TAFA1: variants seen among roughly 807,000 people sequenced by gnomAD.
The protein encoded by TAFA1 is TAFA chemokine like family member 1, also known as chemokine-like protein TAFA-1.
A neutral mutation model predicts 18.5 loss-of-function variants in TAFA1; 4 were observed. The ratio of observed to expected loss-of-function variants is 0.22; its 90% CI spans 0.11 to 0.49. The LOEUF (loss-of-function observed/expected upper bound fraction) is 0.49, where lower values mean the gene tolerates loss of function less well. TAFA1 is among the 20% of genes least tolerant of loss of function. The probability of loss-of-function intolerance (pLI) is 0.98; values close to 1 mark genes in which losing one functional copy is unlikely to be tolerated. For synonymous variants in TAFA1, 56 were observed against 55.2 expected, an observed-to-expected ratio of 1.01 and a Z score of -0.06; for missense variants, 147 against 169.0, an observed-to-expected ratio of 0.87 and a Z score of 0.72.
At chr3:68,302,875 T>C (rs375888676) in intron 2 of TAFA1, among the ~76,000 whole-genome samples, 10 of 152,292 alleles carry the variant, frequency 6.6e-5, no homozygotes, top group East Asian at 3.9e-4. Context: ...AAAATAAGGG[T>C]TCTAGAGCCA....
At chr3:68,286,502 C>T (rs1559599854) in intron 2 of TAFA1, among the ~76,000 whole-genome samples, 2 of 151,988 alleles carry the variant, frequency 1.3e-5, no homozygotes, top group Non-Finnish European at 2.9e-5. Context: ...AGCCAAGACC[C>T]TCAACACTCA....
intron 2 of TAFA1, among the ~76,000 whole-genome samples, chr3:68,058,629 T>C (rs1031138318): frequency 6.6e-6 from 1 of 152,186 alleles, no homozygotes; most frequent in Non-Finnish European, 1.5e-5. Context: ...AATAAGTTTC[T>C]AAATTCCAGA....
Position 68,447,371 on chromosome 3 carries a change from T to C in TAFA1, c.259+29951T>C, listed in dbSNP as rs558571133. ...GACTGGCTGTCTAAAAACCAAACTG[T>C]TGGCTACTCCATTCTGTCCACTGCA... On this transcript the variant is annotated intron_variant, in intron 3 of 4. Coordinates refer to ENST00000478136, the MANE Select transcript of TAFA1 (RefSeq NM_213609.4). 1.1e-4 allele frequency among the ~76,000 whole-genome samples: 16 copies of C among 152,326 alleles called. 1 individual carries two copies. The South Asian group carries it at 3.1e-3, about 30-fold the overall frequency.
intron 3 of TAFA1, among the ~76,000 whole-genome samples, chr3:68,506,433 AG>A (rs2072755511): frequency 6.6e-6 from 1 of 151,142 alleles, no homozygotes; most frequent in Admixed American, 6.6e-5. Flanking sequence ...ATAAATCATT[AG>A]GGGTCACCTT....
At chr3:68,471,201 T>A (rs976430729) in intron 3 of TAFA1, among the ~76,000 whole-genome samples, 3 of 152,192 alleles carry the variant, frequency 2.0e-5, no homozygotes, top group Non-Finnish European at 2.9e-5. Context: ...TATGGAAATG[T>A]CTGAATGTCC....
chr3:68,415,057 T>C (rs1421636615), intron 2 of TAFA1, among the ~76,000 whole-genome samples: 2 of 152,214 alleles, frequency 1.3e-5, no homozygotes, highest in East Asian at 3.9e-4. Flanking sequence ...TGATTAGCCC[T>C]ATTCCATTAA....
At chr3:68,437,986 A>G (rs2071295361) in intron 3 of TAFA1, among the ~76,000 whole-genome samples, 2 of 152,126 alleles carry the variant, frequency 1.3e-5, no homozygotes, top group South Asian at 4.1e-4. Flanking sequence ...TTCCCATTCC[A>G]AAATGGAGAA....
intron 2 of TAFA1, among the ~76,000 whole-genome samples, chr3:68,365,679 A>G (rs1290668825): frequency 6.6e-6 from 1 of 152,222 alleles, no homozygotes; most frequent in Admixed American, 6.5e-5. Flanking sequence ...TAATGGACTC[A>G]CAGTTCTATG....
At chr3:68,022,682 A>C (rs1311465939) in intron 2 of TAFA1, among the ~76,000 whole-genome samples, 1 of 151,812 alleles carries the variant, frequency 6.6e-6, no homozygotes, top group Non-Finnish European at 1.5e-5. Flanking sequence ...AATCAGAAGA[A>C]TACAAGGGAA....
chr3:68,353,475 G>A (rs1021573112), intron 2 of TAFA1, among the ~76,000 whole-genome samples: 1 of 152,026 alleles, frequency 6.6e-6, no homozygotes, highest in African/African-American at 2.4e-5. Flanking sequence ...TTTATTTGGT[G>A]GGTTTGAGAA....
intron 2 of TAFA1, among the ~76,000 whole-genome samples, chr3:68,271,065 G>A (rs1265526121): frequency 1.3e-5 from 2 of 152,122 alleles, no homozygotes; most frequent in South Asian, 4.1e-4. Context: ...AGTTTGCAAA[G>A]TTGTAGCTGA....
At chr3:68,172,839 G>C (rs2066073749) in intron 2 of TAFA1, among the ~76,000 whole-genome samples, 1 of 152,082 alleles carries the variant, frequency 6.6e-6, no homozygotes. Flanking sequence ...AGACATAAAT[G>C]GATTAGTATT....
chr3:68,539,657 G>GTC (rs1232623712), intron 4 of TAFA1, among the ~76,000 whole-genome samples: 10 of 92,712 alleles, frequency 1.1e-4, no homozygotes, highest in African/African-American at 2.1e-4. Context: ...CTCTCTCTTT[G>GTC]TCTCTCTCTG....
intron 3 of TAFA1, among the ~76,000 whole-genome samples, chr3:68,439,610 GC>G (rs914990080): frequency 6.6e-5 from 10 of 151,400 alleles, no homozygotes; most frequent in South Asian, 6.2e-4. Flanking sequence ...AGGCTGGAAG[GC>G]TAAACCAGTC....
At chr3:68,427,874 A>G (rs1366151918) in intron 3 of TAFA1, among the ~76,000 whole-genome samples, 1 of 151,880 alleles carries the variant, frequency 6.6e-6, no homozygotes, top group Non-Finnish European at 1.5e-5. Flanking sequence ...TATAAAGGGC[A>G]ATTCCCCTGC....
At position 68,047,599 on chromosome 3, in the gene TAFA1, G is replaced by A. The variant is rs544446760; in HGVS notation, c.118+40855G>A. Among the ~76,000 whole-genome samples the A allele has an allele frequency of 2.0e-5, 3 of 152,266 alleles. No homozygotes were observed. The South Asian group carries it at 6.2e-4, about 32-fold the overall frequency. ...AACACCCTTCTCTGTTAACAGCTGA[G>A]TGGATTGGTTACACTATTTGGCTAT... On this transcript the variant is annotated intron_variant, in intron 2 of 4. Coordinates refer to ENST00000478136, the MANE Select transcript of TAFA1 (RefSeq NM_213609.4).
intron 2 of TAFA1, among the ~76,000 whole-genome samples, chr3:68,370,452 ATATG>A (rs1203116279): frequency 2.9e-4 from 8 of 27,276 alleles, no homozygotes; most frequent in South Asian, 2.3e-3. Flanking sequence ...ATATGTATAT[ATATG>A]TGTGTGTGTG....
At chr3:68,267,257 A>G (rs1261107174) in intron 2 of TAFA1, among the ~76,000 whole-genome samples, 1 of 152,184 alleles carries the variant, frequency 6.6e-6, no homozygotes, top group African/African-American at 2.4e-5. Flanking sequence ...TTATTTGCCA[A>G]TTTTAAAACA....
At chr3:68,455,272 G>T (rs2071640125) in intron 3 of TAFA1, among the ~76,000 whole-genome samples, 1 of 151,958 alleles carries the variant, frequency 6.6e-6, no homozygotes, top group African/African-American at 2.4e-5. Context: ...AAAGGCAGTT[G>T]GAGGAGGTGG....
Sources: gnomAD v4.1 joint callset for allele counts (sites outside exome capture counted in the v4.1 genomes callset) on GRCh38, gnomAD v4.1.1 for gene constraint, MANE v1.5 for transcripts, NCBI Gene and HGNC (gene_info 2026-07-23, HGNC 2026-07-21) for gene names.